GALNT13: variants seen among roughly 807,000 people sequenced by gnomAD.
The protein encoded by GALNT13 is UDP-GalNAc:polypeptide N-acetylgalactosaminyltransferase 13.
A neutral mutation model predicts 64.2 loss-of-function variants in GALNT13; 28 were observed. That is an observed-to-expected ratio of 0.44 (90% CI 0.32 to 0.60). The LOEUF is 0.60. Among genes scored for constraint, GALNT13 ranks in the 20% least tolerant of loss-of-function variants. GALNT13 has a pLI of 0.05. For missense variants in GALNT13, 577 were observed against 669.8 expected (o/e 0.86, Z 1.53); for synonymous variants, 214 against 224.6 (o/e 0.95, Z 0.42).
intron 4 of GALNT13, among the ~76,000 whole-genome samples, chr2:154,172,651 A>AGT (rs70983709): frequency 1.2e-3 from 179 of 150,680 alleles, no homozygotes; most frequent in African/African-American, 3.8e-3. Flanking sequence ...AATATTCTAG[A>AGT]GTGTGTGTGT....
the GALNT13 span, among the ~76,000 whole-genome samples, chr2:153,683,228 A>T: frequency 6.6e-6 from 1 of 151,728 alleles, no homozygotes; most frequent in African/African-American, 2.4e-5. Context: ...CAAGTGATTT[A>T]ACTCTCATCC....
At chr2:153,069,642 C>A in the GALNT13 span, among the ~76,000 whole-genome samples, 4 of 152,282 alleles carry the variant, frequency 2.6e-5, no homozygotes, top group East Asian at 7.7e-4. Flanking sequence ...TAGTCCCATG[C>A]TTGTTCTAGC....
chr2:153,802,553 G>C, the GALNT13 span, among the ~76,000 whole-genome samples: 1 of 152,116 alleles, frequency 6.6e-6, no homozygotes, highest in South Asian at 2.1e-4. Context: ...GTGTTTATGA[G>C]TCCATCTAAT....
At chr2:154,018,160 G>A (rs13033369) in intron 3 of GALNT13, among the ~76,000 whole-genome samples, 31,180 of 152,100 alleles carry the variant, frequency 0.2, 4,118 homozygotes, top group Middle Eastern at 0.33. Context: ...CAGTACATTC[G>A]CAACTGCAAT....
At chr2:153,483,047 C>T in the GALNT13 span, among the ~76,000 whole-genome samples, 1 of 152,116 alleles carries the variant, frequency 6.6e-6, no homozygotes, top group Non-Finnish European at 1.5e-5. Context: ...AGAAAGATTT[C>T]CATATAAAAT....
intron 1 of GALNT13, among the ~76,000 whole-genome samples, chr2:153,884,677 T>C (rs55700812): frequency 0.16 from 23,769 of 149,416 alleles, 2,313 homozygotes; most frequent in East Asian, 0.26. Context: ...CCAGCACTTT[T>C]GGAGGCTGAG....
the GALNT13 span, among the ~76,000 whole-genome samples, chr2:153,801,106 C>T: frequency 6.6e-6 from 1 of 152,104 alleles, no homozygotes; most frequent in African/African-American, 2.4e-5. Context: ...GGGCTGTGTT[C>T]TGGATTAAGC....
chr2:154,187,474 C>CA (rs1686320749), intron 4 of GALNT13, among the ~76,000 whole-genome samples: 1 of 151,480 alleles, frequency 6.6e-6, no homozygotes, highest in Non-Finnish European at 1.5e-5. Flanking sequence ...TCAGCCATAA[C>CA]AAACATGTTA....
At chr2:153,910,986 C>T (rs1027485188) in intron 2 of GALNT13, among the ~76,000 whole-genome samples, 10 of 152,164 alleles carry the variant, frequency 6.6e-5, no homozygotes, top group East Asian at 3.9e-4. Flanking sequence ...GCTAACTTTC[C>T]GCCTTGATGA....
intron 3 of GALNT13, among the ~76,000 whole-genome samples, chr2:154,050,512 A>G (rs2105345427): frequency 6.6e-6 from 1 of 152,266 alleles, no homozygotes; most frequent in Admixed American, 6.5e-5. Context: ...GACAGCCAAG[A>G]GTTTTGGAGA....
Position 153,944,447 on chromosome 2 carries a change from A to G in GALNT13, c.-51A>G, listed in dbSNP as rs1183258750. The G allele has an allele frequency of 6.4e-7, 1 of 1,565,566 alleles. No individual in the cohort carries two copies. Among genetic ancestry groups the G allele is most frequent in the South Asian group, 1.2e-5 (1 of 85,238 alleles). ...TTCACCTGTGTGGCTTGGATTTATC[A>G]CAGTAGCATTTGTCTTCAATCTGTG... On this transcript the variant is annotated 5_prime_UTR_variant, in exon 3 of 13. Transcript: ENST00000392825.
At chr2:154,033,866 G>A (rs368282707) in intron 3 of GALNT13, among the ~76,000 whole-genome samples, 2 of 152,184 alleles carry the variant, frequency 1.3e-5, no homozygotes, top group Non-Finnish European at 2.9e-5. Flanking sequence ...TTGAACCCGG[G>A]GGGTGGAGGT....
chr2:153,795,877 T>G, the GALNT13 span, among the ~76,000 whole-genome samples: 4 of 152,234 alleles, frequency 2.6e-5, no homozygotes, highest in African/African-American at 9.6e-5. Flanking sequence ...TCACTTAAGC[T>G]ATCTGTGGCA....
the GALNT13 span, among the ~76,000 whole-genome samples, chr2:153,786,330 T>C: frequency 6.6e-6 from 1 of 152,122 alleles, no homozygotes; most frequent in Non-Finnish European, 1.5e-5. Context: ...TCCAGCACAC[T>C]GCAGCCACCA....
chr2:154,033,835 A>G (rs1017911037), intron 3 of GALNT13, among the ~76,000 whole-genome samples: 2 of 152,146 alleles, frequency 1.3e-5, no homozygotes, highest in South Asian at 4.1e-4. Context: ...GCTACTCGGG[A>G]GGCTGAGGCA....
At chr2:153,599,482 A>T in the GALNT13 span, among the ~76,000 whole-genome samples, 1 of 151,996 alleles carries the variant, frequency 6.6e-6, no homozygotes, top group Non-Finnish European at 1.5e-5. Flanking sequence ...GAGGGAGAAC[A>T]ATCACTTTGT....
At chr2:154,328,729 T>G (rs1338819959) in intron 9 of GALNT13, among the ~76,000 whole-genome samples, 1 of 152,148 alleles carries the variant, frequency 6.6e-6, no homozygotes, top group Non-Finnish European at 1.5e-5. Context: ...AGTGTTTTTC[T>G]AAAGTTGTGC....
chr2:154,090,547 T>C (rs1701754522), intron 3 of GALNT13, among the ~76,000 whole-genome samples: 1 of 152,068 alleles, frequency 6.6e-6, no homozygotes, highest in South Asian at 2.1e-4. Flanking sequence ...CTACAGAATG[T>C]ACCTTCAGCA....
the GALNT13 span, among the ~76,000 whole-genome samples, chr2:153,485,987 G>T: frequency 6.6e-6 from 1 of 152,042 alleles, no homozygotes; most frequent in Non-Finnish European, 1.5e-5. Context: ...CCCAGAGCTG[G>T]AGTGCAATGG....
Sources: gnomAD v4.1 joint callset for allele counts (sites outside exome capture counted in the v4.1 genomes callset) on GRCh38, gnomAD v4.1.1 for gene constraint, MANE v1.5 for transcripts, NCBI Gene and HGNC (gene_info 2026-07-23, HGNC 2026-07-21) for gene names.